APLF: variants seen among roughly 807,000 people sequenced by gnomAD.
APLF encodes aprataxin and PNK-like factor.
Under a neutral mutation model 55.6 loss-of-function variants are expected in APLF, and 61 were observed. The observed-to-expected ratio is 1.10, with a 90% CI of 0.89 to 1.36. The LOEUF is 1.36. Ranked by LOEUF, APLF falls within the 40% of genes most tolerant of loss-of-function variation. The pLI is 0.00. For synonymous variants in APLF, 207 were observed against 214.8 expected (o/e 0.96, Z 0.32); for missense variants, 611 against 602.5 (o/e 1.01, Z -0.15).
intron 2 of APLF, among the ~76,000 whole-genome samples, chr2:68,500,176 T>C (rs538714666): frequency 1.3e-5 from 2 of 152,338 alleles, no homozygotes; most frequent in East Asian, 1.9e-4. Flanking sequence ...TAGTTTGACA[T>C]TGATTTTTTA....
intron 5 of APLF, among the ~76,000 whole-genome samples, chr2:68,519,296 A>G (rs1311010408): frequency 6.9e-6 from 1 of 144,482 alleles, no homozygotes; most frequent in Non-Finnish European, 1.5e-5. Context: ...TATATATAAA[A>G]TGTCAAATTA....
chr2:68,555,351 A>G (rs1002241172), intron 8 of APLF, among the ~76,000 whole-genome samples: 1 of 152,238 alleles, frequency 6.6e-6, no homozygotes, highest in African/African-American at 2.4e-5. Flanking sequence ...AGCAAAAGCA[A>G]CAGTCAGCAG....
intron 2 of APLF, among the ~76,000 whole-genome samples, chr2:68,490,942 A>G (rs1484960319): frequency 2.0e-5 from 3 of 152,232 alleles, no homozygotes; most frequent in Non-Finnish European, 4.4e-5. Context: ...TCATTAATTT[A>G]TAACTTTTTA....
At chr2:68,469,397 A>C (rs987577045) in intron 1 of APLF, among the ~76,000 whole-genome samples, 1 of 152,154 alleles carries the variant, frequency 6.6e-6, no homozygotes. Flanking sequence ...CCGTTTCATT[A>C]TTTGTAGCTT....
At chr2:68,495,638 TGGGA>T in intron 2 of APLF, among the ~76,000 whole-genome samples, 1 of 152,382 alleles carries the variant, frequency 6.6e-6, no homozygotes, top group East Asian at 1.9e-4. Flanking sequence ...GGACTCTGTG[TGGGA>T]CCTCCCATCC....
At chr2:68,527,071 G>A (rs1670081347) in intron 6 of APLF, among the ~76,000 whole-genome samples, 1 of 152,078 alleles carries the variant, frequency 6.6e-6, no homozygotes, top group South Asian at 2.1e-4. Flanking sequence ...GCCGGGTAGA[G>A]GCGCTCCTCA....
chr2:68,471,726 A>T (rs1248242827), intron 1 of APLF, among the ~76,000 whole-genome samples: 1 of 152,176 alleles, frequency 6.6e-6, no homozygotes, highest in Non-Finnish European at 1.5e-5. Context: ...GAATTTTTAG[A>T]TATAATCACT....
At chr2:68,516,983 TATATATAATAATATATGTTAATATATA>T in intron 5 of APLF, among the ~76,000 whole-genome samples, 1 of 124,582 alleles carries the variant, frequency 8.0e-6, no homozygotes, top group African/African-American at 3.2e-5. Flanking sequence ...ATAATATAAT[TATATATAATAATATATGTTAATATATA>T]ATATATAATA....
intron 2 of APLF, 38 bp downstream of exon 2, chr2:68,490,299 T>G (rs750622699): frequency 6.4e-7 from 1 of 1,563,652 alleles, no homozygotes; most frequent in African/African-American, 1.4e-5. Context: ...AACTTTCATC[T>G]CTTACCCTTT....
In APLF at chr2:68,509,984, T is replaced by C. The variant is rs1363453923; in HGVS notation, c.342-3096T>C. ...ATCGCAAGGACAAAAAACCAAACAC[T>C]GCATGTTCTCACTCATAGGTGGGAA... On this transcript the variant is annotated intron_variant, in intron 3 of 9. Coordinates refer to ENST00000303795, the MANE Select transcript of APLF (RefSeq NM_173545.3). Among the ~76,000 whole-genome samples, 121 of 146,962 alleles carry C rather than the reference T, an allele frequency of 8.2e-4. 1 individual carries two copies. The highest frequency in any genetic ancestry group is 2.9e-3 in the African/African-American group (117 of 39,666).
chr2:68,515,525 T>C, intron 5 of APLF: 1 of 930,324 alleles, frequency 1.1e-6, no homozygotes, highest in Non-Finnish European at 1.3e-6. Flanking sequence ...TCTGTGCTAC[T>C]GCTTATAATA....
intron 2 of APLF, among the ~76,000 whole-genome samples, chr2:68,495,559 T>TA (rs1410948316): frequency 6.6e-6 from 1 of 152,220 alleles, no homozygotes; most frequent in Non-Finnish European, 1.5e-5. Context: ...AGTTGGTAGA[T>TA]ATACTATGTT....
chr2:68,493,330 A>G (rs1676428638), intron 2 of APLF, among the ~76,000 whole-genome samples: 1 of 152,142 alleles, frequency 6.6e-6, no homozygotes, highest in Non-Finnish European at 1.5e-5. Context: ...CTGTTTGGAA[A>G]AAAAAATTAG....
intron 8 of APLF, among the ~76,000 whole-genome samples, chr2:68,565,926 TG>T (rs1671296044): frequency 6.6e-6 from 1 of 152,096 alleles, no homozygotes; most frequent in Non-Finnish European, 1.5e-5. Flanking sequence ...TTACCCAAGT[TG>T]GAAAGCACAA....
chr2:68,479,853 G>C (rs1675895789), intron 1 of APLF, among the ~76,000 whole-genome samples: 1 of 152,076 alleles, frequency 6.6e-6, no homozygotes. Context: ...AGCATGAGCA[G>C]CTCTTCCTAT....
intron 1 of APLF, among the ~76,000 whole-genome samples, chr2:68,478,286 T>C (rs559810428): frequency 3.9e-5 from 6 of 152,142 alleles, no homozygotes; most frequent in Admixed American, 1.3e-4. Flanking sequence ...ATATGGACGA[T>C]TGTAAAAAAA....
intron 8 of APLF, among the ~76,000 whole-genome samples, chr2:68,565,560 T>TAC (rs1671286692): frequency 1.3e-5 from 2 of 151,830 alleles, no homozygotes; most frequent in Non-Finnish European, 2.9e-5. Context: ...CATACATAGA[T>TAC]AAAAGAAGTT....
At chr2:68,506,357 G>C (rs991552472) in intron 3 of APLF, among the ~76,000 whole-genome samples, 2 of 151,364 alleles carry the variant, frequency 1.3e-5, no homozygotes, top group Non-Finnish European at 2.9e-5. Context: ...CAGAGAGGGA[G>C]AGTCCACTGT....
At chr2:68,541,899 G>T (rs985865642) in intron 7 of APLF, among the ~76,000 whole-genome samples, 1 of 152,060 alleles carries the variant, frequency 6.6e-6, no homozygotes, top group Admixed American at 6.5e-5. Context: ...GTATTACAAA[G>T]CCACAGTAAT....
Sources: allele counts gnomAD v4.1 joint callset (sites outside exome capture counted in the v4.1 genomes callset), GRCh38; gene constraint gnomAD v4.1.1; transcripts MANE v1.5; gene names NCBI Gene and HGNC (gene_info 2026-07-23, HGNC 2026-07-21).